FBXL17: variants seen among roughly 807,000 people sequenced by gnomAD.
The protein encoded by FBXL17 is F-box/LRR-repeat protein 17.
A neutral mutation model predicts 66.2 loss-of-function variants in FBXL17; 22 were observed. The ratio of observed to expected loss-of-function variants is 0.33; its 90% CI spans 0.24 to 0.47. FBXL17 has a LOEUF of 0.47. FBXL17 is among the 20% of genes least tolerant of loss of function. The probability of loss-of-function intolerance (pLI) is 1.00; values close to 1 mark genes in which losing one functional copy is unlikely to be tolerated. For synonymous variants in FBXL17, 474 were observed against 400.5 expected, an observed-to-expected ratio of 1.18 and a Z score of -2.19; for missense variants, 878 against 948.2, an observed-to-expected ratio of 0.93 and a Z score of 0.97.
At chr5:107,946,514 C>T (rs1016250446) in intron 7 of FBXL17, among the ~76,000 whole-genome samples, 5 of 149,528 alleles carry the variant, frequency 3.3e-5, no homozygotes, top group African/African-American at 1.2e-4. Context: ...AAACTGTTGA[C>T]CAGGCTGGCC....
intron 4 of FBXL17, among the ~76,000 whole-genome samples, chr5:108,237,172 G>A (rs1194003284): frequency 2.6e-5 from 4 of 152,114 alleles, no homozygotes; most frequent in Non-Finnish European, 5.9e-5. Flanking sequence ...GTCTAATGAA[G>A]GGTTTATTTC....
intron 7 of FBXL17, among the ~76,000 whole-genome samples, chr5:107,898,090 G>A (rs10069340): frequency 0.78 from 117,913 of 152,056 alleles, 46,057 homozygotes; most frequent in Admixed American, 0.79. Flanking sequence ...AAGAAGCTGT[G>A]AAGGAAACAA....
At chr5:107,931,158 G>A (rs1750722535) in intron 7 of FBXL17, among the ~76,000 whole-genome samples, 1 of 151,998 alleles carries the variant, frequency 6.6e-6, no homozygotes, top group African/African-American at 2.4e-5. Context: ...TGTATGTACT[G>A]TTGGCCTCAA....
intron 8 of FBXL17, among the ~76,000 whole-genome samples, chr5:107,868,507 T>C (rs1284709868): frequency 1.3e-5 from 2 of 152,232 alleles, no homozygotes; most frequent in African/African-American, 2.4e-5. Flanking sequence ...GGCCTTTGGA[T>C]AGGCCATCCG....
At chr5:107,996,795 T>C (rs1490262080) in intron 7 of FBXL17, among the ~76,000 whole-genome samples, 2 of 152,108 alleles carry the variant, frequency 1.3e-5, no homozygotes, top group East Asian at 1.9e-4. Flanking sequence ...AGACACAAGG[T>C]TGGGTTTTGA....
At chr5:108,243,242 G>A (rs184776381) in intron 4 of FBXL17, among the ~76,000 whole-genome samples, 8 of 152,256 alleles carry the variant, frequency 5.3e-5, no homozygotes, top group Admixed American at 2.0e-4. Context: ...AGTTAAATAC[G>A]ACCTAACCAC....
At chr5:108,277,205 T>C (rs34298471) in intron 4 of FBXL17, among the ~76,000 whole-genome samples, 66,198 of 151,912 alleles carry the variant, frequency 0.44, 14,976 homozygotes, top group Non-Finnish European at 0.5. Flanking sequence ...ACCTGATATA[T>C]TTGATAGCAC....
At chr5:108,236,587 A>G in intron 4 of FBXL17, among the ~76,000 whole-genome samples, 1 of 152,094 alleles carries the variant, frequency 6.6e-6, no homozygotes, top group East Asian at 1.9e-4. Flanking sequence ...AAGCAAACAA[A>G]CAAATATCAA....
At chr5:108,121,208 G>T (rs968073287) in intron 6 of FBXL17, among the ~76,000 whole-genome samples, 9 of 151,872 alleles carry the variant, frequency 5.9e-5, no homozygotes, top group African/African-American at 2.2e-4. Context: ...CATGCCCATA[G>T]TCCCAGCTAC....
intron 4 of FBXL17, among the ~76,000 whole-genome samples, chr5:108,297,014 G>A (rs982500440): frequency 5.3e-5 from 8 of 151,052 alleles, no homozygotes; most frequent in Non-Finnish European, 1.0e-4. Context: ...ATTAAATTTA[G>A]CATCATTTTC....
At chr5:108,258,939 A>ATGT in intron 4 of FBXL17, among the ~76,000 whole-genome samples, 1 of 152,168 alleles carries the variant, frequency 6.6e-6, no homozygotes, top group East Asian at 1.9e-4. Context: ...TAGACATAAT[A>ATGT]AAAGCTGTAA....
chr5:107,962,965 C>T (rs1751976941), intron 7 of FBXL17, among the ~76,000 whole-genome samples: 1 of 152,018 alleles, frequency 6.6e-6, no homozygotes, highest in Non-Finnish European at 1.5e-5. Flanking sequence ...TTTCATGGTA[C>T]AAAACCCATC....
rs916871929 is a variant in FBXL17, at chr5:108,213,526, C to T, written c.1614+10595G>A. ...CTCAGGCTCAGACTCTCATGGCTTC[C>T]GCTGGGTAGGGGAGAAAATTCCCCA... On this transcript the variant is annotated intron_variant, in intron 5 of 8. Coordinates refer to ENST00000542267, the MANE Select transcript of FBXL17 (RefSeq NM_001163315.3). Among the ~76,000 whole-genome samples the T allele has an allele frequency of 9.9e-5, 15 of 152,150 alleles. No individual in the cohort carries two copies. In the East Asian group the frequency reaches 2.9e-3, roughly 29 times the overall value.
chr5:107,922,806 T>C (rs1421719424), intron 7 of FBXL17, among the ~76,000 whole-genome samples: 1 of 152,224 alleles, frequency 6.6e-6, no homozygotes, highest in Admixed American at 6.5e-5. Flanking sequence ...CAGGGTCATC[T>C]GCCACCTTCA....
At chr5:107,899,411 C>T (rs1025695213) in intron 7 of FBXL17, among the ~76,000 whole-genome samples, 3 of 152,056 alleles carry the variant, frequency 2.0e-5, no homozygotes, top group South Asian at 4.2e-4. Context: ...GAGGCCGAGG[C>T]GAGAGGGACA....
At chr5:107,996,893 T>A (rs1753495800) in intron 7 of FBXL17, among the ~76,000 whole-genome samples, 1 of 152,210 alleles carries the variant, frequency 6.6e-6, no homozygotes, top group Non-Finnish European at 1.5e-5. Context: ...TTCATCATGG[T>A]ACCTCTCCTG....
In FBXL17 at chr5:107,951,719, T is replaced by G. The variant is rs73202583; in HGVS notation, c.1822+69206A>C. 5.0e-3 allele frequency among the ~76,000 whole-genome samples: 758 copies of G among 152,364 alleles called. 10 individuals are homozygous for G. Among genetic ancestry groups the G allele is most frequent in the African/African-American group, 0.017 (715 of 41,582 alleles). On this transcript the variant is annotated intron_variant, in intron 7 of 8. Transcript: ENST00000542267. ...AATGATGTCAGCTCTCTGTCTCAAGTTCTCTCTCCAAGAATGAAAACAAGT... is the reference window on the plus strand; with the variant it reads ...AATGATGTCAGCTCTCTGTCTCAAGGTCTCTCTCCAAGAATGAAAACAAGT...
chr5:108,305,062 C>G (rs1758772790), intron 4 of FBXL17, among the ~76,000 whole-genome samples: 1 of 151,996 alleles, frequency 6.6e-6, no homozygotes, highest in Non-Finnish European at 1.5e-5. Flanking sequence ...AGACCTACCT[C>G]ATAAAGCTGT....
chr5:108,188,034 T>C (rs906693051), intron 5 of FBXL17, among the ~76,000 whole-genome samples: 1 of 152,216 alleles, frequency 6.6e-6, no homozygotes, highest in African/African-American at 2.4e-5. Flanking sequence ...CTTTTAATTT[T>C]ATTTAATTTT....
Sources: gnomAD v4.1 joint callset for allele counts (sites outside exome capture counted in the v4.1 genomes callset) on GRCh38, gnomAD v4.1.1 for gene constraint, MANE v1.5 for transcripts, NCBI Gene and HGNC (gene_info 2026-07-23, HGNC 2026-07-21) for gene names.